Variants in LIPF observed in about 807,000 individuals in gnomAD.
LIPF encodes the protein gastric triacylglycerol lipase.
LIPF carries 25 observed loss-of-function variants against 38.0 expected under a neutral mutation model. That is an observed-to-expected ratio of 0.66 (90% CI 0.48 to 0.92). The LOEUF (loss-of-function observed/expected upper bound fraction) is 0.92. Ranked by LOEUF, LIPF falls within the 40% of genes least tolerant of loss-of-function variation. LIPF has a pLI of 0.00. For missense variants in LIPF, 410 were observed against 469.9 expected (o/e 0.87, Z 1.18); for synonymous variants, 161 against 156.2 (o/e 1.03, Z -0.23).
intron 5 of LIPF, among the ~76,000 whole-genome samples, chr10:88,671,056 T>G (rs1841589205): frequency 6.6e-6 from 1 of 152,216 alleles, no homozygotes; most frequent in African/African-American, 2.4e-5. Flanking sequence ...GGGAGGGCCT[T>G]GCCTATGTAG....
chr10:88,670,452 CCAGAGGGGTTCA>C (rs2134638499), intron 5 of LIPF, among the ~76,000 whole-genome samples: 1 of 152,210 alleles, frequency 6.6e-6, no homozygotes, highest in African/African-American at 2.4e-5. Context: ...TTAGAGAGCA[CCAGAGGGGTTCA>C]CAGAAATTGT....
intron 9 of LIPF, 152 bp from the exon 10 acceptor site, chr10:88,678,293 G>T (rs918230065): frequency 1.2e-5 from 8 of 682,892 alleles, no homozygotes; most frequent in Non-Finnish European, 2.1e-5. Flanking sequence ...CATTCACTTT[G>T]CTCTGTGGAT....
chr10:88,666,655 G>A (rs1237007875), intron 1 of LIPF, among the ~76,000 whole-genome samples: 3 of 151,956 alleles, frequency 2.0e-5, no homozygotes, highest in Non-Finnish European at 2.9e-5. Flanking sequence ...CCAGGAGTTC[G>A]AGACCAGTCT....
At chr10:88,665,747 T>TTTTTTTTTTTTTTTG (rs1841502700) in intron 1 of LIPF, among the ~76,000 whole-genome samples, 2 of 145,726 alleles carry the variant, frequency 1.4e-5, no homozygotes, top group African/African-American at 2.5e-5. Flanking sequence ...ATTTTTTTTT[T>TTTTTTTTTTTTTTTG]TTTTTTTTTT....
At position 88,667,692 on chromosome 10, in the gene LIPF, T is replaced by C; in HGVS notation, c.223+6T>C. ...GAAAAATTCAGGGAATACAGGTATA[T>C]ATAAGCTTCTTTTCTTCCTTCCTTT... On this transcript the variant is annotated splice_donor_region_variant and intron_variant, in intron 3 of 9. Coordinates refer to ENST00000238983, the MANE Select transcript of LIPF (RefSeq NM_004190.4). The C allele has an allele frequency of 8.8e-7, 1 of 1,133,402 alleles. No homozygotes were observed. Among genetic ancestry groups the C allele is most frequent in the South Asian group, 1.3e-5 (1 of 74,260 alleles). 70.2% of individuals were successfully genotyped at this position (1,133,402 alleles called of 1,614,324 possible).
chr10:88,675,934 T>G (rs1232006696), intron 8 of LIPF, among the ~76,000 whole-genome samples: 1 of 152,202 alleles, frequency 6.6e-6, no homozygotes, highest in Non-Finnish European at 1.5e-5. Context: ...CTGCACCCAC[T>G]AACTCGTCAT....
chr10:88,674,266 T>A (rs2134644970), intron 7 of LIPF, among the ~76,000 whole-genome samples: 1 of 152,312 alleles, frequency 6.6e-6, no homozygotes, highest in South Asian at 2.1e-4. Context: ...CCTCTTGGGT[T>A]CACGCCATTC....
At position 88,667,372 on chromosome 10, in the gene LIPF, T is replaced by A. The variant is rs1347922588; in HGVS notation, c.75T>A (p.His25Gln). Residue 25 changes from histidine to glutamine, a missense_variant, in exon 2 of 10, where the codon CAT becomes CAA. Transcript: ENST00000238983. ...GTTHGLFGKL[H>Q]PGSPEVTMNI... ...CACATGGTTTGTTTGGAAAATTACA[T>A]CCTGGAAGCCCTGAAGTGACTATGA... The A allele has an allele frequency of 6.2e-7, 1 of 1,609,526 alleles. No homozygotes were observed. The highest frequency in any genetic ancestry group is 8.5e-7 in the Non-Finnish European group (1 of 1,176,022).
chr10:88,668,996 G>T (rs1841555645), intron 4 of LIPF: 2 of 444,530 alleles, frequency 4.5e-6, no homozygotes, highest in East Asian at 7.0e-5. Context: ...TTTCCAAATG[G>T]AATGAACAAT....
At chr10:88,672,670 A>ACTCTCTCT (rs60719768) in intron 6 of LIPF, among the ~76,000 whole-genome samples, 142 of 110,534 alleles carry the variant, frequency 1.3e-3, no homozygotes, top group East Asian at 4.9e-3. Context: ...ACACACACAC[A>ACTCTCTCT]CTCTCTCTCT....
Position 88,665,409 on chromosome 10 carries a change from T to C in LIPF, c.-12+918T>C, listed in dbSNP as rs867855260. Reference sequence around the variant, plus strand: ...TTAGCAAGATAGTTCATTTCACGTATACCATGTTGAACACACAGTACAGCA... The same window carrying C: ...TTAGCAAGATAGTTCATTTCACGTACACCATGTTGAACACACAGTACAGCA... On this transcript the variant is annotated intron_variant, in intron 1 of 9. Transcript: ENST00000238983. 2.6e-5 allele frequency: 18 copies of C among 684,142 alleles called. No individual in the cohort carries two copies. The Middle Eastern group carries it at 1.4e-3, about 53-fold the overall frequency. The allele number at this position is 684,142 out of a possible 1,614,324, so 42.4% of individuals were successfully genotyped here. A position where few individuals can be genotyped will look rare whatever the true frequency, so the allele number is the denominator to read the frequency against.
chr10:88,668,480 G>A (rs1841547002), intron 3 of LIPF, 78 bp from the exon 4 acceptor site: 1 of 1,270,906 alleles, frequency 7.9e-7, no homozygotes, highest in African/African-American at 1.5e-5. Context: ...CTAGTCATAT[G>A]GAAGACTGTT....
rs140420172 is a variant in LIPF, at chr10:88,668,628, G to A, written c.294G>A (p.Pro98=). The A allele has an allele frequency of 4.0e-5, 64 of 1,614,014 alleles. No homozygotes were observed. The highest frequency in any genetic ancestry group is 4.7e-5 in the Non-Finnish European group (56 of 1,180,012). ...ASATNWISNL[P]NNSLAFILAD... ...CCACAAACTGGATTTCCAACCTGCC[G>A]AACAACAGCCTTGCCTTCATTCTGG... is the stretch of plus-strand genomic sequence containing the variant. Residue 98 remains proline (P), a synonymous_variant, in exon 4 of 10, where the codon CCG becomes CCA. Coordinates refer to ENST00000238983, the MANE Select transcript of LIPF (RefSeq NM_004190.4).
At chr10:88,666,982 T>G (rs1379115280) in intron 1 of LIPF, among the ~76,000 whole-genome samples, 1 of 130,874 alleles carries the variant, frequency 7.6e-6, no homozygotes, top group African/African-American at 2.6e-5. Context: ...AATTAGAGGC[T>G]TTTTTTTTTT....
At chr10:88,671,771 A>AAACAAC in intron 5 of LIPF, 58 bp from the exon 6 acceptor site, 2 of 1,552,922 alleles carry the variant, frequency 1.3e-6, no homozygotes, top group Non-Finnish European at 1.7e-6. Flanking sequence ...AAAACAAACA[A>AAACAAC]AACAACAACA....
In LIPF at chr10:88,671,953, A is replaced by C; in HGVS notation, c.657A>C (p.Gln219His). The C allele has an allele frequency of 6.2e-7, 1 of 1,610,862 alleles. No individual in the cohort carries two copies. The highest frequency in any genetic ancestry group is 8.5e-7 in the Non-Finnish European group (1 of 1,178,322). ...TAAACAAACTTAGATTTGTTCCTCA[A>C]TCCCTCTTCAAGGTATGCAATTCTC... ...SLINKLRFVP[Q>H]SLFKFIFGDK... Residue 219 changes from glutamine (Q) to histidine (H), a missense_variant, in exon 6 of 10, where the codon CAA becomes CAC. Gln to His is a conservative substitution (Grantham distance 24). Coordinates refer to ENST00000238983, the MANE Select transcript of LIPF (RefSeq NM_004190.4).
At position 88,675,666 on chromosome 10, in the gene LIPF, T is replaced by C. The variant is rs768412533; in HGVS notation, c.888+9T>C. The C allele has an allele frequency of 3.1e-6, 5 of 1,593,698 alleles. No homozygotes were observed. Among genetic ancestry groups the C allele is most frequent in the Middle Eastern group, 1.7e-4 (1 of 6,016 alleles). ...TGTTCCATTGGACCCAGGTATTCTT[T>C]TCCAAATGCTGTTAAAATGTATTTT... On this transcript the variant is annotated intron_variant, in intron 8 of 9. Transcript: ENST00000238983.
intron 7 of LIPF, among the ~76,000 whole-genome samples, chr10:88,674,068 T>C: frequency 6.6e-6 from 1 of 152,202 alleles, no homozygotes; most frequent in East Asian, 1.9e-4. Context: ...GAGAAAAATG[T>C]CTAGATATTG....
At chr10:88,670,092 C>T in intron 5 of LIPF, 146 bp downstream of exon 5, 1 of 635,730 alleles carries the variant, frequency 1.6e-6, no homozygotes, top group Admixed American at 2.6e-5. Context: ...AATTATAATT[C>T]CTATTATATG....
Sources: gnomAD v4.1 joint callset for allele counts (sites outside exome capture counted in the v4.1 genomes callset) on GRCh38, gnomAD v4.1.1 for gene constraint, MANE v1.5 for transcripts, NCBI Gene and HGNC (gene_info 2026-07-23, HGNC 2026-07-21) for gene names.